RGPD2: variants seen among roughly 807,000 people sequenced by gnomAD.
The protein encoded by RGPD2 is RANBP2-like and GRIP domain-containing protein 2.
In RGPD2, 2 loss-of-function variants were observed where a neutral mutation model predicts 36.0. The observed-to-expected ratio is 0.06, with a 90% CI of 0.02 to 0.17. RGPD2 has a LOEUF of 0.17. RGPD2 is among the 10% of genes least tolerant of loss of function. The pLI is 1.00. For missense variants in RGPD2, 40 were observed against 464.3 expected, an observed-to-expected ratio of 0.09 and a Z score of 8.40; for synonymous variants, 19 against 163.8, an observed-to-expected ratio of 0.12 and a Z score of 6.75.
the RGPD2 span, among the ~76,000 whole-genome samples, chr2:87,917,127 T>C: frequency 1.3e-5 from 2 of 151,920 alleles, no homozygotes; most frequent in South Asian, 2.1e-4. Context: ...AAAATGTACT[T>C]GGAATATTGA....
chr2:87,878,815 A>G, the RGPD2 span, among the ~76,000 whole-genome samples: 1 of 152,376 alleles, frequency 6.6e-6, no homozygotes, highest in African/African-American at 2.4e-5. Flanking sequence ...GATTTCATAT[A>G]TAAGAGATAT....
chr2:87,878,354 G>A, the RGPD2 span, among the ~76,000 whole-genome samples: 2,552 of 117,468 alleles, frequency 0.022, no homozygotes, highest in African/African-American at 0.071. Flanking sequence ...GAAGGATCTC[G>A]TATTGTGTTT....
At chr2:87,866,678 G>C in the RGPD2 span, among the ~76,000 whole-genome samples, 1 of 152,226 alleles carries the variant, frequency 6.6e-6, no homozygotes, top group African/African-American at 2.4e-5. Context: ...TGGGGTGCTT[G>C]GGCGGATCCA....
the RGPD2 span, among the ~76,000 whole-genome samples, chr2:87,986,322 A>T: frequency 2.7e-5 from 4 of 148,408 alleles, no homozygotes; most frequent in Non-Finnish European, 6.0e-5. Flanking sequence ...TTTAGTAGAG[A>T]CCATGTTTCA....
chr2:87,822,287 A>T (rs976970112), intron 1 of RGPD2, among the ~76,000 whole-genome samples: 1 of 152,214 alleles, frequency 6.6e-6, no homozygotes, highest in Non-Finnish European at 1.5e-5. Context: ...TCAGGTAAAC[A>T]TCATTAAAAA....
At chr2:87,967,445 T>C in the RGPD2 span, among the ~76,000 whole-genome samples, 2 of 150,188 alleles carry the variant, frequency 1.3e-5, no homozygotes, top group Admixed American at 1.3e-4. Flanking sequence ...AATTTGTTTT[T>C]GATAAGAAAA....
At chr2:87,984,709 T>C in the RGPD2 span, among the ~76,000 whole-genome samples, 1 of 147,380 alleles carries the variant, frequency 6.8e-6, no homozygotes, top group Non-Finnish European at 1.5e-5. Flanking sequence ...GACGGGCAGA[T>C]CACGAGGTCA....
At chr2:87,872,540 G>C in the RGPD2 span, among the ~76,000 whole-genome samples, 18 of 151,030 alleles carry the variant, frequency 1.2e-4, no homozygotes, top group East Asian at 3.1e-3. Flanking sequence ...TTTGAGTTCA[G>C]GGGTATATGT....
At chr2:87,854,997 CGT>C in the RGPD2 span, among the ~76,000 whole-genome samples, 8 of 150,772 alleles carry the variant, frequency 5.3e-5, no homozygotes, top group African/African-American at 9.7e-5. Context: ...GTATGCTGTC[CGT>C]GTGTGTGTGT....
the RGPD2 span, among the ~76,000 whole-genome samples, chr2:87,836,910 A>C: frequency 6.6e-6 from 1 of 152,076 alleles, no homozygotes; most frequent in African/African-American, 2.4e-5. Flanking sequence ...AAACAGAAAG[A>C]AAAATGAGCA....
At chr2:87,905,296 A>T in the RGPD2 span, among the ~76,000 whole-genome samples, 1 of 152,260 alleles carries the variant, frequency 6.6e-6, no homozygotes, top group Non-Finnish European at 1.5e-5. Context: ...CACATTCTGC[A>T]GTTCACAGGA....
upstream of RGPD2, among the ~76,000 whole-genome samples, chr2:87,830,211 C>A (rs1416387870): frequency 6.6e-6 from 1 of 152,208 alleles, no homozygotes; most frequent in Non-Finnish European, 1.5e-5. Flanking sequence ...CCTTGGGCAG[C>A]TCTGCCCCTG....
chr2:87,967,364 C>A, the RGPD2 span, among the ~76,000 whole-genome samples: 25 of 149,896 alleles, frequency 1.7e-4, no homozygotes, highest in African/African-American at 5.8e-4. Flanking sequence ...GCCGAGATTG[C>A]GCCACTGCAC....
chr2:87,935,488 G>T, the RGPD2 span, among the ~76,000 whole-genome samples: 1 of 143,290 alleles, frequency 7.0e-6, no homozygotes. Flanking sequence ...TAAGAAATGA[G>T]GATTAGAAAA....
chr2:87,876,957 A>G, the RGPD2 span, among the ~76,000 whole-genome samples: 14 of 152,180 alleles, frequency 9.2e-5, no homozygotes, highest in Non-Finnish European at 1.6e-4. Flanking sequence ...TTTATATAAT[A>G]CCCTTCATTG....
chr2:87,874,742 GT>G, the RGPD2 span, among the ~76,000 whole-genome samples: 1 of 152,288 alleles, frequency 6.6e-6, no homozygotes, highest in Non-Finnish European at 1.5e-5. Flanking sequence ...TTTTGAAATA[GT>G]TTTTTCTAGT....
chr2:87,865,217 T>C, the RGPD2 span, among the ~76,000 whole-genome samples: 1 of 152,176 alleles, frequency 6.6e-6, no homozygotes, highest in Admixed American at 6.6e-5. Context: ...TAGGATTCTG[T>C]CTTTTGGTAG....
the RGPD2 span, among the ~76,000 whole-genome samples, chr2:87,923,132 C>T: frequency 6.6e-6 from 1 of 151,768 alleles, no homozygotes; most frequent in South Asian, 2.1e-4. Flanking sequence ...TCCTCTGCTT[C>T]CTACTGGAAG....
chr2:87,870,080 T>C, the RGPD2 span, among the ~76,000 whole-genome samples: 13 of 152,366 alleles, frequency 8.5e-5, no homozygotes, highest in Non-Finnish European at 1.5e-5. Flanking sequence ...AAAACATTGA[T>C]TAAAAATGTA....
Sources: allele counts gnomAD v4.1 joint callset (sites outside exome capture counted in the v4.1 genomes callset), GRCh38; gene constraint gnomAD v4.1.1; transcripts MANE v1.5; gene names NCBI Gene and HGNC (gene_info 2026-07-23, HGNC 2026-07-21).